Variants in PIK3C3 observed in about 807,000 individuals in gnomAD.
PIK3C3 encodes PI3-kinase type 3.
In PIK3C3, 95 loss-of-function variants were observed where a neutral mutation model predicts 126.1. That is an observed-to-expected ratio of 0.75 (90% CI 0.64 to 0.89). The LOEUF (loss-of-function observed/expected upper bound fraction) is 0.89, where lower values mean the gene tolerates loss of function less well. Ranked by LOEUF, PIK3C3 falls within the 40% of genes least tolerant of loss-of-function variation. The probability of loss-of-function intolerance (pLI) is 0.00; values close to 1 mark genes in which losing one functional copy is unlikely to be tolerated. For missense variants in PIK3C3, 829 were observed against 1,063.2 expected (o/e 0.78, Z 3.06); for synonymous variants, 374 against 360.0 (o/e 1.04, Z -0.44).
intron 13 of PIK3C3, among the ~76,000 whole-genome samples, chr18:42,021,151 T>C (rs942632731): frequency 6.6e-6 from 1 of 152,216 alleles, no homozygotes; most frequent in Non-Finnish European, 1.5e-5. Flanking sequence ...CTGAACTTGA[T>C]AGACTCTGAT....
chr18:41,988,705 T>C (rs1981620934), intron 5 of PIK3C3, among the ~76,000 whole-genome samples: 1 of 152,172 alleles, frequency 6.6e-6, no homozygotes, highest in Non-Finnish European at 1.5e-5. Flanking sequence ...CATTATTCTT[T>C]TATTTTAAAA....
chr18:42,015,405 A>T, intron 11 of PIK3C3, 71 bp from the exon 12 acceptor site: 1 of 1,146,558 alleles, frequency 8.7e-7, no homozygotes, highest in South Asian at 1.2e-5. Context: ...GAACTGTTCC[A>T]TAAAAAATTG....
chr18:41,964,080 C>G (rs1172463858), intron 3 of PIK3C3, among the ~76,000 whole-genome samples: 1 of 152,020 alleles, frequency 6.6e-6, no homozygotes, highest in African/African-American at 2.4e-5. Context: ...ATGGTTTCTT[C>G]TGTTGTGCTT....
At chr18:41,990,986 A>C (rs2144354471) in intron 6 of PIK3C3, among the ~76,000 whole-genome samples, 1 of 152,302 alleles carries the variant, frequency 6.6e-6, no homozygotes, top group Non-Finnish European at 1.5e-5. Flanking sequence ...TCACTGAAGT[A>C]TACTTATGAA....
intron 20 of PIK3C3, among the ~76,000 whole-genome samples, chr18:42,047,354 TAG>T (rs1166672684): frequency 6.6e-6 from 1 of 152,188 alleles, no homozygotes; most frequent in Non-Finnish European, 1.5e-5. Context: ...AATCACATGT[TAG>T]AGAACCTAAG....
intron 1 of PIK3C3, 161 bp downstream of exon 1, chr18:41,955,520 C>T (rs1230104750): frequency 3.4e-6 from 2 of 594,026 alleles, no homozygotes; most frequent in South Asian, 2.0e-5. Context: ...GAGAGTGGAT[C>T]GTGGAGAGGG....
At chr18:42,052,133 A>G (rs1235424941) in intron 21 of PIK3C3, among the ~76,000 whole-genome samples, 2 of 151,942 alleles carry the variant, frequency 1.3e-5, no homozygotes, top group African/African-American at 4.8e-5. Flanking sequence ...TTTCTGTTAT[A>G]CTTTGAAAAG....
At chr18:42,000,299 G>A (rs887190983) in intron 9 of PIK3C3, among the ~76,000 whole-genome samples, 69 of 152,256 alleles carry the variant, frequency 4.5e-4, no homozygotes, top group African/African-American at 1.4e-3. Flanking sequence ...TGATCAACCT[G>A]CCTCAGCCTC....
chr18:42,077,983 G>T (rs1398137641), intron 24 of PIK3C3, among the ~76,000 whole-genome samples: 1 of 152,136 alleles, frequency 6.6e-6, no homozygotes, highest in Admixed American at 6.5e-5. Flanking sequence ...TAATCTTTTG[G>T]TATATTCCAT....
intron 10 of PIK3C3, among the ~76,000 whole-genome samples, chr18:42,006,860 CTTTTTTTTTTT>C (rs71265065): frequency 2.0e-5 from 2 of 102,296 alleles, no homozygotes; most frequent in African/African-American, 7.1e-5. Flanking sequence ...AAATCATATT[CTTTTTTTTTTT>C]TTTTTTTTTT....
chr18:42,064,727 T>C lies in PIK3C3; in HGVS notation c.2433-13T>C, dbSNP rs1462129852. ...TAATCGTTGCTATTTTTTTCTTTTC[T>C]GCTCTTCTTTAGGTATTCTAATCTG... On this transcript the variant is annotated splice_polypyrimidine_tract_variant and intron_variant, in intron 22 of 24. Coordinates refer to ENST00000262039, the MANE Select transcript of PIK3C3 (RefSeq NM_002647.4). The C allele has an allele frequency of 7.3e-7, 1 of 1,378,818 alleles. No individual in the cohort carries two copies. The highest frequency in any genetic ancestry group is 1.0e-6 in the Non-Finnish European group (1 of 971,200). 85.4% of individuals were successfully genotyped at this position (1,378,818 alleles called of 1,614,324 possible).
In PIK3C3 at chr18:42,064,809, A is replaced by G. The variant is rs772121567; in HGVS notation, c.2502A>G (p.Glu834=). The G allele has an allele frequency of 3.1e-6, 5 of 1,587,366 alleles. No individual in the cohort carries two copies. The Admixed American group carries it at 8.4e-5, about 27-fold the overall frequency. ...VDANIPDIAL[E]PDKTVKKVQD... ...CAAACATTCCAGATATTGCACTTGA[A>G]CCAGATAAAACTGTGAAAAAGGTAA... The change falls in exon 23 of 25, where the codon GAA becomes GAG. Residue 834 remains glutamate (E), a synonymous_variant. Transcript: ENST00000262039.
chr18:42,026,551 G>C (rs1983578839), intron 13 of PIK3C3: 1 of 152,006 alleles, frequency 6.6e-6, no homozygotes, highest in Non-Finnish European at 1.5e-5. Context: ...CTTCACCTGG[G>C]CTCAAGCTAT....
intron 9 of PIK3C3, among the ~76,000 whole-genome samples, chr18:42,003,151 A>G (rs561057662): frequency 4.6e-5 from 7 of 152,330 alleles, no homozygotes; most frequent in Non-Finnish European, 8.8e-5. Context: ...AATAAAATCA[A>G]GAATAAGTTA....
intron 13 of PIK3C3, among the ~76,000 whole-genome samples, chr18:42,021,510 G>A (rs963942337): frequency 6.6e-6 from 1 of 152,102 alleles, no homozygotes; most frequent in African/African-American, 2.4e-5. Flanking sequence ...AGCAAACAAA[G>A]GGCAGAGCCA....
intron 4 of PIK3C3, among the ~76,000 whole-genome samples, chr18:41,975,775 CT>C (rs1980890484): frequency 6.6e-6 from 1 of 150,616 alleles, no homozygotes; most frequent in African/African-American, 2.4e-5. Flanking sequence ...TGTCAGCTCA[CT>C]GCAAGCTCCA....
intron 9 of PIK3C3, among the ~76,000 whole-genome samples, chr18:41,997,312 T>C (rs966384227): frequency 6.6e-6 from 1 of 152,040 alleles, no homozygotes; most frequent in Non-Finnish European, 1.5e-5. Flanking sequence ...GCATACAGGA[T>C]AACGGGTAGG....
At chr18:41,991,328 G>A (rs1224657672) in intron 6 of PIK3C3, among the ~76,000 whole-genome samples, 2 of 151,972 alleles carry the variant, frequency 1.3e-5, no homozygotes, top group African/African-American at 2.4e-5. Context: ...TTTGAGACCC[G>A]CCTGGGCAAC....
intron 9 of PIK3C3, 60 bp from the exon 10 acceptor site, chr18:42,004,296 T>C: frequency 7.4e-7 from 1 of 1,342,958 alleles, no homozygotes; most frequent in East Asian, 2.5e-5. Context: ...CTCTGCCTAG[T>C]CAACTTCTCT....
Sources: gnomAD v4.1 joint callset for allele counts (sites outside exome capture counted in the v4.1 genomes callset) on GRCh38, gnomAD v4.1.1 for gene constraint, MANE v1.5 for transcripts, NCBI Gene and HGNC (gene_info 2026-07-23, HGNC 2026-07-21) for gene names.